Variants in DOCK9 observed in about 807,000 individuals in gnomAD.
DOCK9 encodes the protein dedicator of cytokinesis protein 9.
A neutral mutation model predicts 263.3 loss-of-function variants in DOCK9; 89 were observed. That is an observed-to-expected ratio of 0.34 (90% CI 0.28 to 0.40). The LOEUF is 0.40. DOCK9 is among the 10% of genes least tolerant of loss of function. DOCK9 has a pLI of 1.00. For synonymous variants in DOCK9, 976 were observed against 973.1 expected (o/e 1.00, Z -0.06); for missense variants, 2,140 against 2,603.4 (o/e 0.82, Z 3.87).
intron 1 of DOCK9, among the ~76,000 whole-genome samples, chr13:99,079,538 T>C (rs911548663): frequency 6.6e-6 from 1 of 152,256 alleles, no homozygotes; most frequent in Non-Finnish European, 1.5e-5. Context: ...GCACTCACTA[T>C]TAACTACTTC....
At chr13:98,894,957 C>CAAAAAAA (rs71114557) in intron 15 of DOCK9, among the ~76,000 whole-genome samples, 10 of 73,388 alleles carry the variant, frequency 1.4e-4, no homozygotes, top group African/African-American at 2.0e-4. Flanking sequence ...TACTAAAATA[C>CAAAAAAA]AAAAAAAAAA....
At chr13:98,874,973 C>T (rs758448842) in intron 27 of DOCK9, among the ~76,000 whole-genome samples, 2 of 152,124 alleles carry the variant, frequency 1.3e-5, no homozygotes, top group African/African-American at 2.4e-5. Context: ...TCTGCCCCAG[C>T]GGCCTTACCT....
intron 1 of DOCK9, among the ~76,000 whole-genome samples, chr13:99,071,271 T>C (rs2041656898): frequency 1.4e-5 from 2 of 146,038 alleles, no homozygotes; most frequent in African/African-American, 5.1e-5. Context: ...GCCTTCCAAG[T>C]AGCTGGAACT....
intron 1 of DOCK9, among the ~76,000 whole-genome samples, chr13:99,083,489 T>C (rs2142500502): frequency 6.6e-6 from 1 of 152,282 alleles, no homozygotes; most frequent in East Asian, 1.9e-4. Flanking sequence ...TGAAATGATA[T>C]AAGGCCTGGG....
intron 27 of DOCK9, among the ~76,000 whole-genome samples, chr13:98,873,536 TG>T (rs1254632057): frequency 6.6e-6 from 1 of 152,228 alleles, no homozygotes. Context: ...GGTACCGTCA[TG>T]GCTAACTCTG....
At chr13:99,036,539 T>C (rs538076726) in intron 1 of DOCK9, among the ~76,000 whole-genome samples, 12 of 152,102 alleles carry the variant, frequency 7.9e-5, no homozygotes, top group African/African-American at 2.7e-4. Flanking sequence ...TGGTTGTTGG[T>C]TTTTTGTTTT....
intron 1 of DOCK9, among the ~76,000 whole-genome samples, chr13:99,052,929 C>G (rs547151149): frequency 6.6e-6 from 1 of 152,228 alleles, no homozygotes; most frequent in Non-Finnish European, 1.5e-5. Context: ...TCCTCCCATT[C>G]CATTGGCTGT....
intron 1 of DOCK9, among the ~76,000 whole-genome samples, chr13:98,967,150 AG>A (rs1191716228): frequency 2.0e-5 from 3 of 152,256 alleles, no homozygotes; most frequent in South Asian, 4.1e-4. Flanking sequence ...CCTTTGGACA[AG>A]TTGCTTATTT....
intron 7 of DOCK9, among the ~76,000 whole-genome samples, chr13:98,918,404 C>A (rs2051257628): frequency 6.6e-6 from 1 of 152,138 alleles, no homozygotes; most frequent in South Asian, 2.1e-4. Flanking sequence ...CCGAGTCACA[C>A]ATGCATTAGG....
chr13:98,866,806 T>A (rs1216606470), intron 30 of DOCK9, among the ~76,000 whole-genome samples: 2 of 152,198 alleles, frequency 1.3e-5, no homozygotes, highest in African/African-American at 4.8e-5. Flanking sequence ...CAGGGATGTT[T>A]GTTTTACTTC....
At chr13:98,891,702 G>A (rs1049051963) in intron 15 of DOCK9, among the ~76,000 whole-genome samples, 3 of 152,048 alleles carry the variant, frequency 2.0e-5, no homozygotes, top group Non-Finnish European at 4.4e-5. Context: ...TCCTCCCTCT[G>A]CTGAGAGATT....
chr13:99,049,443 C>T (rs2040584874), intron 1 of DOCK9, among the ~76,000 whole-genome samples: 1 of 151,354 alleles, frequency 6.6e-6, no homozygotes, highest in African/African-American at 2.4e-5. Flanking sequence ...GTCCCAGCTA[C>T]AAAAAAAGGA....
chr13:98,824,326 G>A, intron 45 of DOCK9, 72 bp downstream of exon 45: 1 of 1,332,008 alleles, frequency 7.5e-7, no homozygotes, highest in South Asian at 1.2e-5. Flanking sequence ...CTGGTCTGAT[G>A]CACTAGCAAT....
At chr13:99,081,034 G>C (rs2042103366) in intron 1 of DOCK9, among the ~76,000 whole-genome samples, 1 of 152,172 alleles carries the variant, frequency 6.6e-6, no homozygotes, top group Non-Finnish European at 1.5e-5. Flanking sequence ...AGAAGCCAAA[G>C]GAATGGAACC....
upstream of DOCK9, chr13:98,978,171 T>A (rs758731337): frequency 3.3e-6 from 4 of 1,216,756 alleles, no homozygotes; most frequent in Admixed American, 1.3e-4. Flanking sequence ...AACTCCAAGC[T>A]GAACAATACA....
At chr13:98,999,316 A>ACACACACACACACACACACACACTCTCT in intron 1 of DOCK9, among the ~76,000 whole-genome samples, 176 of 138,322 alleles carry the variant, frequency 1.3e-3, no homozygotes, top group Middle Eastern at 7.8e-3. Flanking sequence ...ACACACACAC[A>ACACACACACACACACACACACACTCTCT]CTCTCTCTCT....
At position 98,973,490 on chromosome 13, in the gene DOCK9, A is replaced by G. The variant is rs528734183; in HGVS notation, c.126+4294T>C. On this transcript the variant is annotated intron_variant, in intron 1 of 52. Coordinates refer to ENST00000682017, the MANE Select transcript of DOCK9 (RefSeq NM_001366683.2). The stretch of plus-strand genomic sequence containing the variant: ...TGCCTTCTCACAGAGTTATTTAGCT[A>G]GAGTAATCACGTGGTCATTCAAACA... Among the ~76,000 whole-genome samples the G allele has an allele frequency of 2.6e-5, 4 of 152,356 alleles. No homozygotes were observed. The East Asian group carries it at 7.7e-4, about 29-fold the overall frequency.
At chr13:99,026,258 G>C (rs771180701) in intron 1 of DOCK9, among the ~76,000 whole-genome samples, 1 of 152,142 alleles carries the variant, frequency 6.6e-6, no homozygotes, top group African/African-American at 2.4e-5. Flanking sequence ...ATTTTAAATG[G>C]ATGAATCATT....
At chr13:99,061,245 G>A (rs1428557671) in intron 1 of DOCK9, among the ~76,000 whole-genome samples, 2 of 151,982 alleles carry the variant, frequency 1.3e-5, no homozygotes, top group African/African-American at 4.8e-5. Context: ...GGAACAGGAG[G>A]GTCAAAAAGA....
Sources: gnomAD v4.1 joint callset for allele counts (sites outside exome capture counted in the v4.1 genomes callset) on GRCh38, gnomAD v4.1.1 for gene constraint, MANE v1.5 for transcripts, NCBI Gene and HGNC (gene_info 2026-07-23, HGNC 2026-07-21) for gene names.